Variants in TBC1D19 observed in about 807,000 individuals in gnomAD.
TBC1D19 encodes TBC1 domain family, member 19.
In TBC1D19, 60 loss-of-function variants were observed where a neutral mutation model predicts 89.0. The ratio of observed to expected loss-of-function variants is 0.67; its 90% CI spans 0.55 to 0.84. The LOEUF (loss-of-function observed/expected upper bound fraction) is 0.84. Ranked by LOEUF, TBC1D19 falls within the 40% of genes least tolerant of loss-of-function variation. The pLI is 0.00. For missense variants in TBC1D19, 500 were observed against 610.8 expected (o/e 0.82, Z 1.91); for synonymous variants, 189 against 199.7 (o/e 0.95, Z 0.45).
the TBC1D19 span, among the ~76,000 whole-genome samples, chr4:26,855,018 A>G: frequency 1.3e-5 from 2 of 152,202 alleles, no homozygotes; most frequent in African/African-American, 4.8e-5. Context: ...GTTCCAAAAC[A>G]GAGTGGTCTC....
At chr4:26,763,172 T>G in the TBC1D19 span, among the ~76,000 whole-genome samples, 1 of 152,182 alleles carries the variant, frequency 6.6e-6, no homozygotes, top group African/African-American at 2.4e-5. Flanking sequence ...TGATCGAATG[T>G]AAACCAAAAA....
intron 13 of TBC1D19, among the ~76,000 whole-genome samples, chr4:26,704,914 C>A (rs1715618368): frequency 6.6e-6 from 1 of 152,162 alleles, no homozygotes; most frequent in Admixed American, 6.5e-5. Flanking sequence ...TACTCCACAT[C>A]ATCGCCAACA....
At chr4:26,708,861 C>T (rs1301745693) in intron 13 of TBC1D19, among the ~76,000 whole-genome samples, 1 of 151,804 alleles carries the variant, frequency 6.6e-6, no homozygotes, top group East Asian at 1.9e-4. Flanking sequence ...CTGTTTTGTT[C>T]ATATATTTTT....
At chr4:26,617,778 C>A (rs1741786556) in intron 3 of TBC1D19, among the ~76,000 whole-genome samples, 1 of 152,152 alleles carries the variant, frequency 6.6e-6, no homozygotes, top group African/African-American at 2.4e-5. Context: ...ATGACCTATT[C>A]TTTTTCCCTC....
At chr4:26,757,939 G>A (rs542185990), downstream of TBC1D19, among the ~76,000 whole-genome samples, 3 of 152,182 alleles carry the variant, frequency 2.0e-5, no homozygotes, top group East Asian at 1.9e-4. Context: ...ATTCTTCATC[G>A]CTTGGTCTTT....
chr4:26,842,583 C>T, the TBC1D19 span, among the ~76,000 whole-genome samples: 15 of 70,608 alleles, frequency 2.1e-4, no homozygotes, highest in African/African-American at 6.3e-4. Flanking sequence ...TTCCTCCCTC[C>T]CTTTCTTTCT....
At chr4:26,746,402 G>A (rs1414975387) in intron 18 of TBC1D19, among the ~76,000 whole-genome samples, 1 of 151,916 alleles carries the variant, frequency 6.6e-6, no homozygotes, top group African/African-American at 2.4e-5. Context: ...TCTGTATTGT[G>A]TAGATTGGAC....
chr4:26,732,458 A>C (rs191221236), intron 15 of TBC1D19, among the ~76,000 whole-genome samples: 1 of 152,242 alleles, frequency 6.6e-6, no homozygotes, highest in Admixed American at 6.5e-5. Flanking sequence ...TTTTGTCCCT[A>C]ATCAAATGGC....
the TBC1D19 span, among the ~76,000 whole-genome samples, chr4:26,792,466 A>G: frequency 6.6e-6 from 1 of 152,138 alleles, no homozygotes; most frequent in East Asian, 1.9e-4. Context: ...CCACTTTTTG[A>G]GTGAGTTTTG....
intron 9 of TBC1D19, among the ~76,000 whole-genome samples, chr4:26,667,207 C>G (rs1354350540): frequency 6.6e-6 from 1 of 151,918 alleles, no homozygotes; most frequent in East Asian, 1.9e-4. Context: ...TATATGGTAT[C>G]AATTTTCATT....
chr4:26,714,160 A>G (rs1577974584), intron 13 of TBC1D19, among the ~76,000 whole-genome samples: 1 of 152,170 alleles, frequency 6.6e-6, no homozygotes, highest in East Asian at 1.9e-4. Context: ...AGCCTGGGCA[A>G]CATAATTAGA....
At chr4:26,771,329 C>A in the TBC1D19 span, among the ~76,000 whole-genome samples, 2 of 152,166 alleles carry the variant, frequency 1.3e-5, no homozygotes. Flanking sequence ...CCAGCAATCT[C>A]ACTTCTGGAT....
the TBC1D19 span, among the ~76,000 whole-genome samples, chr4:26,783,858 A>G: frequency 6.6e-6 from 1 of 152,130 alleles, no homozygotes; most frequent in Non-Finnish European, 1.5e-5. Flanking sequence ...GCCACCATGC[A>G]TCTTAGGCCA....
intron 16 of TBC1D19, among the ~76,000 whole-genome samples, chr4:26,737,752 G>C (rs1427093532): frequency 6.6e-6 from 1 of 152,010 alleles, no homozygotes; most frequent in Admixed American, 6.6e-5. Context: ...AGGAACTCTA[G>C]TTAGTACTTT....
At position 26,620,668 on chromosome 4, in the gene TBC1D19, G is replaced by A. The variant is rs1260363567; in HGVS notation, c.274G>A (p.Val92Ile). The A allele has an allele frequency of 1.2e-6, 2 of 1,613,500 alleles. No individual in the cohort carries two copies. Among genetic ancestry groups the A allele is most frequent in the Non-Finnish European group, 8.5e-7 (1 of 1,179,768 alleles). ...TCCTGAACATCTTAAAGAACCTTTG[G>A]TATACATGAGGAAAGCACAGGTTGG... ...APPEHLKEPL[V>I]YMRKAQGSWE... Residue 92 changes from valine (V) to isoleucine (I), a missense_variant, in exon 4 of 21, where the codon GTA (valine) becomes ATA (isoleucine). Physicochemically the swap from Val to Ile is conservative, Grantham distance 29. Transcript: ENST00000264866.
intron 7 of TBC1D19, among the ~76,000 whole-genome samples, chr4:26,654,335 T>A (rs1164359219): frequency 6.6e-6 from 1 of 152,186 alleles, no homozygotes; most frequent in Non-Finnish European, 1.5e-5. Context: ...CTTTGGTGAA[T>A]CTGACAATTA....
At chr4:26,612,546 G>A (rs1741447134) in intron 1 of TBC1D19, among the ~76,000 whole-genome samples, 1 of 151,884 alleles carries the variant, frequency 6.6e-6, no homozygotes, top group African/African-American at 2.4e-5. Flanking sequence ...CTAGGTGATG[G>A]AACATCAACA....
chr4:26,710,916 T>A (rs1170601245), intron 13 of TBC1D19, among the ~76,000 whole-genome samples: 2 of 152,184 alleles, frequency 1.3e-5, no homozygotes, highest in African/African-American at 4.8e-5. Flanking sequence ...TCTTTGTAGA[T>A]TCTGGATGTT....
At chr4:26,629,888 A>G (rs1275695197) in intron 4 of TBC1D19, among the ~76,000 whole-genome samples, 3 of 151,846 alleles carry the variant, frequency 2.0e-5, no homozygotes, top group Non-Finnish European at 2.9e-5. Flanking sequence ...ACATGCATAG[A>G]AAAATGAAAG....
Sources: gnomAD v4.1 joint callset for allele counts (sites outside exome capture counted in the v4.1 genomes callset) on GRCh38, gnomAD v4.1.1 for gene constraint, MANE v1.5 for transcripts, NCBI Gene and HGNC (gene_info 2026-07-23, HGNC 2026-07-21) for gene names.